The following ATF7IP2 variants were observed in gnomAD, a reference collection of about 807,000 sequenced individuals.
ATF7IP2 encodes activating transcription factor 7-interacting protein 2.
In ATF7IP2, 42 loss-of-function variants were observed where a neutral mutation model predicts 64.2. The observed-to-expected ratio is 0.65, with a 90% CI of 0.51 to 0.85. The LOEUF (loss-of-function observed/expected upper bound fraction) is 0.85. Among genes scored for constraint, ATF7IP2 ranks in the 40% least tolerant of loss-of-function variants. The pLI is 0.00. For synonymous variants in ATF7IP2, 308 were observed against 272.8 expected (o/e 1.13, Z -1.27); for missense variants, 933 against 784.2 (o/e 1.19, Z -2.27).
intron 1 of ATF7IP2, chr16:10,386,706 A>G (rs539211490): frequency 6.6e-6 from 1 of 152,278 alleles, no homozygotes; most frequent in Non-Finnish European, 1.5e-5. Context: ...TTGCCGGTGT[A>G]AGGATGGTAG....
At chr16:10,438,564 T>G (rs1388716134) in intron 7 of ATF7IP2, among the ~76,000 whole-genome samples, 1 of 152,072 alleles carries the variant, frequency 6.6e-6, no homozygotes, top group Non-Finnish European at 1.5e-5. Context: ...ATGTGAGTCC[T>G]TTTAAAAAGA....
intron 1 of ATF7IP2, among the ~76,000 whole-genome samples, chr16:10,400,335 C>A (rs1359215048): frequency 6.6e-6 from 1 of 152,176 alleles, no homozygotes; most frequent in East Asian, 1.9e-4. Context: ...GCCACCGTGC[C>A]CAGCCGTGTG....
At chr16:10,433,093 T>C (rs7187276) in intron 5 of ATF7IP2, among the ~76,000 whole-genome samples, 9,186 of 152,198 alleles carry the variant, frequency 0.06, 410 homozygotes, top group Non-Finnish European at 0.087. Flanking sequence ...ATTTATGCAA[T>C]TGAATGTTCT....
At chr16:10,466,299 A>T (rs2049567818) in intron 9 of ATF7IP2, among the ~76,000 whole-genome samples, 1 of 152,226 alleles carries the variant, frequency 6.6e-6, no homozygotes, top group Non-Finnish European at 1.5e-5. Context: ...GATTGTTTGC[A>T]GATTGGGGAA....
intron 12 of ATF7IP2, among the ~76,000 whole-genome samples, chr16:10,475,722 G>GAAAAAAA (rs386384218): frequency 7.2e-5 from 3 of 41,640 alleles, no homozygotes; most frequent in East Asian, 8.0e-4. Flanking sequence ...TAAGAAGCCA[G>GAAAAAAA]AAAAAAAAAA....
chr16:10,431,467 C>G lies in ATF7IP2; in HGVS notation c.835+12C>G, dbSNP rs775206383. 8 of 1,494,524 alleles carry G rather than the reference C, an allele frequency of 5.4e-6. No homozygotes were observed. In the South Asian group the frequency reaches 1.0e-4, roughly 19 times the overall value. The allele number at this position is 1,494,524 out of a possible 1,614,324, so 92.6% of individuals were successfully genotyped here. The stretch of plus-strand genomic sequence containing the variant: ...CACTAATAACAACAGTAAGTATATA[C>G]TTATGCACCTTTTAGAAAAATTAAA... On this transcript the variant is annotated intron_variant, in intron 5 of 13. Coordinates refer to ENST00000562102, the MANE Select transcript of ATF7IP2 (RefSeq NM_001393719.1).
chr16:10,402,678 G>T (rs148310269), intron 1 of ATF7IP2, among the ~76,000 whole-genome samples: 1 of 151,982 alleles, frequency 6.6e-6, no homozygotes, highest in Non-Finnish European at 1.5e-5. Flanking sequence ...TTGCCAGACT[G>T]GTTTCAAACT....
chr16:10,459,615 C>G (rs932511652), intron 9 of ATF7IP2, among the ~76,000 whole-genome samples: 2 of 152,092 alleles, frequency 1.3e-5, no homozygotes, highest in African/African-American at 2.4e-5. Context: ...CCACTGTACT[C>G]CAGCCTGGGT....
chr16:10,473,753 A>G (rs539956101), intron 11 of ATF7IP2, among the ~76,000 whole-genome samples, 170 bp from the exon 12 acceptor site: 3 of 152,334 alleles, frequency 2.0e-5, no homozygotes, highest in Admixed American at 2.0e-4. Context: ...ATTTTATAAG[A>G]GCTTTTTAAT....
rs2048249180 is a variant in ATF7IP2 at position 10,431,402 on chromosome 16, A to G, written c.782A>G (p.Asn261Ser). The G allele has an allele frequency of 1.2e-6, 2 of 1,611,976 alleles. No homozygotes were observed. Among genetic ancestry groups the G allele is most frequent in the Non-Finnish European group, 8.5e-7 (1 of 1,178,330 alleles). ...GAGTGTAGTAGAACCAGTATTTCAAATTGTGAAAGTGCAGACTCAACATGG... is the reference window on the plus strand; with the variant it reads ...GAGTGTAGTAGAACCAGTATTTCAAGTTGTGAAAGTGCAGACTCAACATGG... Reference protein sequence around the residue: ...TDECSRTSISNCESADSTWQS... With the variant: ...TDECSRTSISSCESADSTWQS... The change falls in exon 5 of 14, where the codon AAT (asparagine) becomes AGT (serine). Residue 261 changes from asparagine to serine, a missense_variant. Transcript: ENST00000562102.
intron 12 of ATF7IP2, among the ~76,000 whole-genome samples, chr16:10,475,720 C>A (rs1596632483): frequency 4.0e-4 from 16 of 39,796 alleles, no homozygotes; most frequent in East Asian, 5.9e-4. Flanking sequence ...TCTAAGAAGC[C>A]AGAAAAAAAA....
intron 3 of ATF7IP2, among the ~76,000 whole-genome samples, chr16:10,420,991 T>C (rs1206400224): frequency 6.6e-6 from 1 of 152,242 alleles, no homozygotes; most frequent in Non-Finnish European, 1.5e-5. Flanking sequence ...TTTCAAAAAT[T>C]GAAACAGTTT....
chr16:10,453,399 G>A (rs1213046201), intron 8 of ATF7IP2, among the ~76,000 whole-genome samples: 1 of 152,150 alleles, frequency 6.6e-6, no homozygotes, highest in African/African-American at 2.4e-5. Flanking sequence ...TTAGCTCGCT[G>A]TCTGTGGCTA....
chr16:10,387,841 G>T (rs1416456150), intron 1 of ATF7IP2: 1 of 74,160 alleles, frequency 1.3e-5, no homozygotes, highest in African/African-American at 5.2e-5. Flanking sequence ...CCCTCCCCCC[G>T]CCACCCGGAC....
intron 8 of ATF7IP2, among the ~76,000 whole-genome samples, chr16:10,442,750 C>T (rs905383574): frequency 5.4e-5 from 6 of 110,982 alleles, no homozygotes; most frequent in Admixed American, 2.0e-4. Context: ...AGTATCATAT[C>T]TAGTGCCATT....
At chr16:10,457,648 C>A (rs2049226188) in intron 9 of ATF7IP2, 119 bp downstream of exon 9, 1 of 807,010 alleles carries the variant, frequency 1.2e-6, no homozygotes, top group Non-Finnish European at 1.8e-6. Flanking sequence ...CTTAAAATGT[C>A]CTATAGTTTT....
intron 3 of ATF7IP2, among the ~76,000 whole-genome samples, chr16:10,424,593 A>C (rs2048047507): frequency 6.6e-6 from 1 of 152,220 alleles, no homozygotes; most frequent in Non-Finnish European, 1.5e-5. Flanking sequence ...ATTGTATCTT[A>C]TAAGGGACTT....
chr16:10,417,779 C>T (rs376806718), intron 2 of ATF7IP2, among the ~76,000 whole-genome samples: 169 of 152,270 alleles, frequency 1.1e-3, no homozygotes, highest in African/African-American at 4.0e-3. Context: ...CCAAACTTCT[C>T]ACAAATGACA....
chr16:10,433,638 T>C lies in ATF7IP2; in HGVS notation c.949T>C (p.Phe317Leu), dbSNP rs372313756. ...TGTAAGTTTGGAAAGGCAAACAGCATTCCTGGAACAGGTAAAATATTGGGG... is the reference window on the plus strand; with the variant it reads ...TGTAAGTTTGGAAAGGCAAACAGCACTCCTGGAACAGGTAAAATATTGGGG... The part of the protein sequence containing the change: ...ICVSLERQTA[F>L]LEQVRHLIQQ... Residue 317 changes from phenylalanine (F) to leucine (L), a missense_variant, in exon 6 of 14, where the codon TTC becomes CTC. Coordinates refer to ENST00000562102, the MANE Select transcript of ATF7IP2 (RefSeq NM_001393719.1). The C allele has an allele frequency of 2.0e-5, 32 of 1,613,460 alleles. No homozygotes were observed. The highest frequency in any genetic ancestry group is 2.7e-5 in the Non-Finnish European group (32 of 1,179,770).
Sources: gnomAD v4.1 joint callset for allele counts (sites outside exome capture counted in the v4.1 genomes callset) on GRCh38, gnomAD v4.1.1 for gene constraint, MANE v1.5 for transcripts, NCBI Gene and HGNC (gene_info 2026-07-23, HGNC 2026-07-21) for gene names.